ZNF516: variants seen among roughly 807,000 people sequenced by gnomAD.
ZNF516 encodes the protein zinc finger protein 516.
Under a neutral mutation model 79.7 loss-of-function variants are expected in ZNF516, and 19 were observed. The observed-to-expected ratio is 0.24, with a 90% CI of 0.17 to 0.35. ZNF516 has a LOEUF of 0.35. ZNF516 is among the 10% of genes least tolerant of loss of function. The pLI is 1.00. For missense variants in ZNF516, 1,678 were observed against 1,679.5 expected (o/e 1.00, Z 0.02); for synonymous variants, 877 against 739.5 (o/e 1.19, Z -3.02).
chr18:76,435,408 G>C (rs921357437), intron 3 of ZNF516, among the ~76,000 whole-genome samples: 1 of 152,174 alleles, frequency 6.6e-6, no homozygotes, highest in African/African-American at 2.4e-5. Context: ...ACAATAAAAC[G>C]TATTTAGGAG....
intron 3 of ZNF516, chr18:76,389,540 T>A (rs2075040712): frequency 6.6e-6 from 1 of 151,978 alleles, no homozygotes. Flanking sequence ...AGGCATGATC[T>A]CCCCCCGTCA....
chr18:76,472,892 G>A lies in ZNF516; in HGVS notation c.-271-9751C>T, dbSNP rs150784036. Among the ~76,000 whole-genome samples the A allele has an allele frequency of 1.0e-3, 153 of 152,300 alleles. 1 individual carries two copies. The Middle Eastern group carries it at 0.017, about 17-fold the overall frequency. ...TGTCTTGAAATAAAAACTATGTCAT[G>A]TAAAAATTAAAAATTAACACTAATA... On this transcript the variant is annotated intron_variant, in intron 1 of 6. Transcript: ENST00000443185.
chr18:76,420,646 T>C (rs2075494224), intron 3 of ZNF516, among the ~76,000 whole-genome samples: 1 of 152,198 alleles, frequency 6.6e-6, no homozygotes, highest in African/African-American at 2.4e-5. Flanking sequence ...GCAATTCCTG[T>C]GGCTGTAAAA....
At chr18:76,418,434 AAC>A (rs2075463339) in intron 3 of ZNF516, among the ~76,000 whole-genome samples, 1 of 151,934 alleles carries the variant, frequency 6.6e-6, no homozygotes, top group Non-Finnish European at 1.5e-5. Flanking sequence ...GTCACACACT[AAC>A]ACTAACACAT....
At chr18:76,388,077 G>A (rs753064780) in intron 3 of ZNF516, 3 of 152,168 alleles carry the variant, frequency 2.0e-5, no homozygotes, top group Admixed American at 2.0e-4. Flanking sequence ...TCGGCCGTGG[G>A]ACAGCTGAAC....
intron 6 of ZNF516, among the ~76,000 whole-genome samples, chr18:76,369,603 T>C (rs2074669910): frequency 6.6e-6 from 1 of 152,114 alleles, no homozygotes; most frequent in African/African-American, 2.4e-5. Context: ...TCATAGAGTC[T>C]TGAGATCCCT....
At chr18:76,376,849 T>C (rs2074795700) in intron 4 of ZNF516, among the ~76,000 whole-genome samples, 1 of 152,078 alleles carries the variant, frequency 6.6e-6, no homozygotes, top group Non-Finnish European at 1.5e-5. Flanking sequence ...CAAACTCCCC[T>C]TGCTCTGCTG....
chr18:76,458,846 G>A (rs1912914355), intron 2 of ZNF516, among the ~76,000 whole-genome samples: 1 of 148,998 alleles, frequency 6.7e-6, no homozygotes, highest in Admixed American at 6.7e-5. Context: ...TTGTGTGTGT[G>A]CATGCCTGTA....
At chr18:76,384,550 G>A (rs1330658090) in intron 3 of ZNF516, among the ~76,000 whole-genome samples, 1 of 129,704 alleles carries the variant, frequency 7.7e-6, no homozygotes, top group East Asian at 2.2e-4. Context: ...CCCCCTCTGT[G>A]GTTCCACACA....
In ZNF516 at chr18:76,479,875, G is replaced by A. The variant is rs7237972; in HGVS notation, c.-272+15269C>T. 1.9e-3 allele frequency among the ~76,000 whole-genome samples: 289 copies of A among 152,310 alleles called. 2 individuals carry two copies. Among genetic ancestry groups the A allele is most frequent in the African/African-American group, 6.7e-3 (279 of 41,570 alleles). On this transcript the variant is annotated intron_variant, in intron 1 of 6. Transcript: ENST00000443185. ...CTGTGGCACTTGGGACAGGGCCTGA[G>A]GTTATTAAAAAAGAGCCCTTTCCCC...
rs760966289 is a variant in ZNF516 at position 76,380,257 on chromosome 18, GGTCGAA to G, written c.1851_1856del (p.Ser618_Thr619del). 3.7e-6 allele frequency: 6 copies of G among 1,613,808 alleles called. No individual in the cohort carries two copies. In the Admixed American group the frequency reaches 1.0e-4, roughly 27 times the overall value. ...GACTCTGGTCTCCACTGGAGAGCTC[GGTCGAA>G]GTCACCTCTTCGGAAAAGCAGCAGC... On this transcript the variant is annotated inframe_deletion, in exon 4 of 7. Coordinates refer to ENST00000443185, the MANE Select transcript of ZNF516 (RefSeq NM_014643.4).
intron 2 of ZNF516, among the ~76,000 whole-genome samples, chr18:76,462,279 C>T (rs1382468525): frequency 2.0e-5 from 3 of 152,122 alleles, no homozygotes; most frequent in Non-Finnish European, 4.4e-5. Flanking sequence ...CCCAAGAAAA[C>T]CACTTCACTA....
intron 1 of ZNF516, among the ~76,000 whole-genome samples, chr18:76,483,400 T>G (rs1443075139): frequency 6.6e-6 from 1 of 152,160 alleles, no homozygotes; most frequent in African/African-American, 2.4e-5. Context: ...GGAAAGCACC[T>G]GCCATGATCC....
intron 3 of ZNF516, among the ~76,000 whole-genome samples, chr18:76,406,805 C>T (rs898293876): frequency 6.6e-6 from 1 of 152,206 alleles, no homozygotes; most frequent in Non-Finnish European, 1.5e-5. Context: ...ACAGAATCCA[C>T]TGACGGCCCA....
chr18:76,491,414 C>A (rs1473355509), intron 1 of ZNF516, among the ~76,000 whole-genome samples: 2 of 144,334 alleles, frequency 1.4e-5, no homozygotes, highest in Non-Finnish European at 3.1e-5. Context: ...CCCCGCCCGC[C>A]CCGCCCGCCC....
At position 76,358,251 on chromosome 18, in the gene ZNF516, A is replaced by C. The variant is rs553274115; in HGVS notation, c.*4247T>G. On this transcript the variant is annotated 3_prime_UTR_variant, in exon 7 of 7. Coordinates refer to ENST00000443185, the MANE Select transcript of ZNF516 (RefSeq NM_014643.4). ...CAATAGAATGAATATGTTTTATCTAAATATTTTTATCACACAACTAAAACA... is the reference window on the plus strand; with the variant it reads ...CAATAGAATGAATATGTTTTATCTACATATTTTTATCACACAACTAAAACA... 1 of 152,364 alleles carries C rather than the reference A, an allele frequency of 6.6e-6. No homozygotes were observed. The highest frequency in any genetic ancestry group is 1.5e-5 in the Non-Finnish European group (1 of 68,036). The allele number at this position is 152,364 out of a possible 1,614,324, so 9.4% of individuals were successfully genotyped here. A position where few individuals can be genotyped will look rare whatever the true frequency, so the allele number is the denominator to read the frequency against.
intron 3 of ZNF516, among the ~76,000 whole-genome samples, chr18:76,437,950 A>C (rs1430395202): frequency 6.6e-6 from 1 of 152,218 alleles, no homozygotes; most frequent in Non-Finnish European, 1.5e-5. Context: ...ATTGAGTCGC[A>C]GTGAGTATCT....
rs368412290 is a variant in ZNF516, at chr18:76,442,416, C to T, written c.639G>A (p.Glu213=). Residue 213 remains glutamate (E), a synonymous_variant, in exon 3 of 7, where the codon GAG becomes GAA. Coordinates refer to ENST00000443185, the MANE Select transcript of ZNF516 (RefSeq NM_014643.4). The part of the protein sequence containing the change: ...RLCSYATLRE[E]SLLSHIERDH... Reference sequence around the variant, plus strand: ...CCCTCTCGATGTGGCTCAGCAGCGACTCCTCCCGCAGCGTCGCGTAGCTGC... The same window carrying T: ...CCCTCTCGATGTGGCTCAGCAGCGATTCCTCCCGCAGCGTCGCGTAGCTGC... 39 of 1,607,540 alleles carry T rather than the reference C, an allele frequency of 2.4e-5. No individual in the cohort carries two copies. In the African/African-American group the frequency reaches 4.9e-4, roughly 20 times the overall value.
In ZNF516 at chr18:76,441,488, T is replaced by C; in HGVS notation, c.1567A>G (p.Ile523Val). 6.2e-7 allele frequency: 1 copy of C among 1,600,558 alleles called. No homozygotes were observed. The highest frequency in any genetic ancestry group is 8.5e-7 in the Non-Finnish European group (1 of 1,174,970). ...KSSECFECGK[I>V]FRTYHQMVLH... ...ACCATCTGATGATAGGTGCGGAAGA[T>C]CTTGCCGCACTCGAAGCACTCGGAG... The change falls in exon 3 of 7, where the codon ATC becomes GTC. Residue 523 changes from isoleucine (I) to valine (V), a missense_variant. Transcript: ENST00000443185.
Sources: allele counts gnomAD v4.1 joint callset (sites outside exome capture counted in the v4.1 genomes callset), GRCh38; gene constraint gnomAD v4.1.1; transcripts MANE v1.5; gene names NCBI Gene and HGNC (gene_info 2026-07-23, HGNC 2026-07-21).